GPD2: variants seen among roughly 807,000 people sequenced by gnomAD.
GPD2 encodes the protein glycerol-3-phosphate dehydrogenase, mitochondrial.
Under a neutral mutation model 82.4 loss-of-function variants are expected in GPD2, and 54 were observed. The observed-to-expected ratio is 0.66, with a 90% CI of 0.53 to 0.82. The LOEUF (loss-of-function observed/expected upper bound fraction) is 0.82. Among genes scored for constraint, GPD2 ranks in the 40% least tolerant of loss-of-function variants. GPD2 has a pLI of 0.00. For synonymous variants in GPD2, 288 were observed against 306.1 expected (o/e 0.94, Z 0.62); for missense variants, 748 against 896.2 (o/e 0.83, Z 2.11).
chr2:156,435,013 C>A (rs561519761), upstream of GPD2, among the ~76,000 whole-genome samples: 1 of 152,076 alleles, frequency 6.6e-6, no homozygotes, highest in East Asian at 1.9e-4. Context: ...CCTGCCCCCT[C>A]CCCCCAATTT....
chr2:156,522,172 A>C (rs148264955), intron 6 of GPD2, among the ~76,000 whole-genome samples: 167 of 152,364 alleles, frequency 1.1e-3, no homozygotes, highest in Middle Eastern at 6.8e-3. Flanking sequence ...GAGATAGAGC[A>C]AAATAGCCCC....
chr2:156,503,554 G>T (rs1003023869), intron 3 of GPD2, among the ~76,000 whole-genome samples: 1 of 152,082 alleles, frequency 6.6e-6, no homozygotes, highest in South Asian at 2.1e-4. Flanking sequence ...GCAAAAAATT[G>T]GAGTCTGGCT....
rs542890102 is a variant in GPD2 at position 156,482,721 on chromosome 2, C to G, written c.102+6514C>G. ...CTTCATGATTTGCAAAATAGCCTCT[C>G]ACTTTGTAAGAGACATCAATTCTCT... On this transcript the variant is annotated intron_variant, in intron 2 of 16. Transcript: ENST00000438166. 3.4e-3 allele frequency among the ~76,000 whole-genome samples: 522 copies of G among 152,158 alleles called. 11 individuals carry two copies. The highest frequency in any genetic ancestry group is 0.012 in the African/African-American group (503 of 41,516).
At chr2:156,536,165 T>A (rs988487441) in intron 6 of GPD2, among the ~76,000 whole-genome samples, 1 of 152,250 alleles carries the variant, frequency 6.6e-6, no homozygotes, top group Non-Finnish European at 1.5e-5. Context: ...TACTTCCTTT[T>A]AATGAACATA....
chr2:156,457,572 T>C (rs747928473), intron 1 of GPD2, among the ~76,000 whole-genome samples: 3 of 152,180 alleles, frequency 2.0e-5, no homozygotes, highest in African/African-American at 4.8e-5. Context: ...GGAAAGATGC[T>C]AGAGATATGC....
chr2:156,574,485 A>G (rs1045039925), intron 13 of GPD2, among the ~76,000 whole-genome samples: 6 of 152,164 alleles, frequency 3.9e-5, no homozygotes, highest in East Asian at 1.9e-4. Context: ...GCTGCCCCAT[A>G]GGATTTGATA....
chr2:156,570,513 C>T (rs1001952130), intron 12 of GPD2, among the ~76,000 whole-genome samples: 7 of 152,164 alleles, frequency 4.6e-5, no homozygotes, highest in Non-Finnish European at 8.8e-5. Context: ...ATTTGCAGCT[C>T]TTTAAGTTTG....
At chr2:156,525,161 G>A (rs567904312) in intron 6 of GPD2, among the ~76,000 whole-genome samples, 4 of 152,210 alleles carry the variant, frequency 2.6e-5, no homozygotes, top group African/African-American at 9.6e-5. Context: ...CTTTTTCTGA[G>A]GGGAAGCTTG....
intron 6 of GPD2, among the ~76,000 whole-genome samples, chr2:156,533,442 G>T (rs1685941387): frequency 6.6e-6 from 1 of 152,200 alleles, no homozygotes; most frequent in Non-Finnish European, 1.5e-5. Flanking sequence ...TTCTTGACCA[G>T]CCTGCGTCTC....
intron 6 of GPD2, among the ~76,000 whole-genome samples, chr2:156,541,824 G>GTTTTTTTTTTTTTTTTTTTTTTT (rs61067726): frequency 1.2e-5 from 1 of 81,466 alleles, no homozygotes; most frequent in Non-Finnish European, 2.2e-5. Context: ...AATGCTGTTT[G>GTTTTTTTTTTTTTTTTTTTTTTT]TTTTTTTTTT....
At chr2:156,543,059 C>T (rs1354357997) in intron 6 of GPD2, among the ~76,000 whole-genome samples, 4 of 152,174 alleles carry the variant, frequency 2.6e-5, no homozygotes, top group Non-Finnish European at 5.9e-5. Flanking sequence ...CACTTACCGT[C>T]TTAATCATAT....
chr2:156,551,601 ATT>A (rs1686761958), intron 8 of GPD2, among the ~76,000 whole-genome samples: 2 of 152,158 alleles, frequency 1.3e-5, no homozygotes, highest in African/African-American at 2.4e-5. Flanking sequence ...TCATTATGGC[ATT>A]GTTTGTAGTT....
the GPD2 span, among the ~76,000 whole-genome samples, chr2:156,429,166 C>T: frequency 6.6e-6 from 1 of 152,192 alleles, no homozygotes; most frequent in Middle Eastern, 3.4e-3. Context: ...AGATTTAAAC[C>T]ATTTCCAGGT....
chr2:156,558,591 CTTTTT>C (rs1282952933), intron 9 of GPD2, among the ~76,000 whole-genome samples: 1 of 151,548 alleles, frequency 6.6e-6, no homozygotes, highest in Non-Finnish European at 1.5e-5. Flanking sequence ...AAACATAAAG[CTTTTT>C]GTTTTGTTTT....
In GPD2 at chr2:156,567,135, T is replaced by C. The variant is rs531139269; in HGVS notation, c.1166-1690T>C. Among the ~76,000 whole-genome samples the C allele has an allele frequency of 2.0e-5, 3 of 152,208 alleles. No individual in the cohort carries two copies. The South Asian group carries it at 6.2e-4, about 32-fold the overall frequency. On this transcript the variant is annotated intron_variant, in intron 9 of 16. Transcript: ENST00000438166. ...ATGATATATTCTTATCAGTATATGA[T>C]TTACCGGTATTTTCTCTATTCTATG...
upstream of GPD2, among the ~76,000 whole-genome samples, chr2:156,433,548 C>A (rs1219340901): frequency 6.6e-6 from 1 of 152,170 alleles, no homozygotes; most frequent in Non-Finnish European, 1.5e-5. Flanking sequence ...CTTAAAAAAT[C>A]CGCTCCACGA....
intron 2 of GPD2, 57 bp from the exon 3 acceptor site, chr2:156,495,987 A>G (rs1684357471): frequency 7.5e-7 from 1 of 1,330,698 alleles, no homozygotes; most frequent in Non-Finnish European, 1.1e-6. Context: ...TATATTGTAA[A>G]ATTTGTTAAA....
intron 6 of GPD2, among the ~76,000 whole-genome samples, chr2:156,528,497 T>A (rs1436954732): frequency 6.6e-6 from 1 of 151,890 alleles, no homozygotes; most frequent in African/African-American, 2.4e-5. Flanking sequence ...TGCAGGTTAG[T>A]TACATATGTA....
At chr2:156,484,890 A>G (rs1052568347) in intron 2 of GPD2, among the ~76,000 whole-genome samples, 3 of 152,196 alleles carry the variant, frequency 2.0e-5, no homozygotes, top group East Asian at 3.9e-4. Context: ...TTCCTTGAGC[A>G]TAACTGAAAC....
Sources: gnomAD v4.1 joint callset for allele counts (sites outside exome capture counted in the v4.1 genomes callset) on GRCh38, gnomAD v4.1.1 for gene constraint, MANE v1.5 for transcripts, NCBI Gene and HGNC (gene_info 2026-07-23, HGNC 2026-07-21) for gene names.